GPATCH1: variants seen among roughly 807,000 people sequenced by gnomAD.
GPATCH1 encodes G-patch domain containing 1, also known as G patch domain-containing protein 1.
A neutral mutation model predicts 114.9 loss-of-function variants in GPATCH1; 73 were observed. The ratio of observed to expected loss-of-function variants is 0.64; its 90% confidence interval spans 0.53 to 0.77. The LOEUF (loss-of-function observed/expected upper bound fraction) is 0.77. Ranked by LOEUF, GPATCH1 falls within the 30% of genes least tolerant of loss-of-function variation. GPATCH1 has a pLI of 0.00. For missense variants in GPATCH1, 1,058 were observed against 1,144.3 expected (o/e 0.92, Z 1.09); for synonymous variants, 391 against 428.4 (o/e 0.91, Z 1.08).
intron 11 of GPATCH1, among the ~76,000 whole-genome samples, chr19:33,110,281 C>G (rs1316981854): frequency 1.3e-5 from 2 of 152,136 alleles, no homozygotes; most frequent in Non-Finnish European, 2.9e-5. Flanking sequence ...ACTTACAGGC[C>G]GTTTGGTGTT....
chr19:33,126,503 C>T, intron 18 of GPATCH1, 85 bp from the exon 19 acceptor site: 1 of 1,579,314 alleles, frequency 6.3e-7, no homozygotes, highest in East Asian at 2.2e-5. Context: ...GACTCCATCA[C>T]TGCAGCCTTG....
At chr19:33,091,771 A>T (rs540941655) in intron 3 of GPATCH1, among the ~76,000 whole-genome samples, 8 of 152,318 alleles carry the variant, frequency 5.3e-5, no homozygotes, top group Admixed American at 4.6e-4. Context: ...GAAAAAAAAG[A>T]TTAAATAAAA....
At chr19:33,082,652 TG>T (rs1226020160) in intron 1 of GPATCH1, among the ~76,000 whole-genome samples, 1 of 151,960 alleles carries the variant, frequency 6.6e-6, no homozygotes, top group East Asian at 1.9e-4. Context: ...GAGACCAGCC[TG>T]GGCATTGTAG....
intron 8 of GPATCH1, among the ~76,000 whole-genome samples, chr19:33,100,780 CTTT>C (rs746559066): frequency 1.5e-5 from 2 of 135,490 alleles, no homozygotes; most frequent in Non-Finnish European, 3.2e-5. Context: ...GTAGAAGGGG[CTTT>C]TTTTTTTTTT....
At position 33,112,085 on chromosome 19, in the gene GPATCH1, C is replaced by T. The variant is rs141339048; in HGVS notation, c.1764+183C>T. Among the ~76,000 whole-genome samples, 618 of 152,276 alleles carry T rather than the reference C, an allele frequency of 4.1e-3. 4 individuals are homozygous for T. The highest frequency in any genetic ancestry group is 0.014 in the African/African-American group (594 of 41,564). On this transcript the variant is annotated intron_variant, in intron 12 of 19. Coordinates refer to ENST00000170564, the MANE Select transcript of GPATCH1 (RefSeq NM_018025.3). ...GGTTCAAGCGATTCTCCTGCCTCAGCCTTCCAAGTAGCTGGGATTACAGGC... is the reference window on the plus strand; with the variant it reads ...GGTTCAAGCGATTCTCCTGCCTCAGTCTTCCAAGTAGCTGGGATTACAGGC...
chr19:33,126,519 C>T, intron 18 of GPATCH1, 69 bp from the exon 19 acceptor site: 1 of 1,593,066 alleles, frequency 6.3e-7, no homozygotes, highest in East Asian at 2.2e-5. Context: ...CCTTGTTAAC[C>T]TTTCATTGTA....
chr19:33,095,153 C>T (rs879312492), intron 5 of GPATCH1, among the ~76,000 whole-genome samples: 7 of 151,720 alleles, frequency 4.6e-5, no homozygotes, highest in Admixed American at 3.3e-4. Flanking sequence ...GGTGACAGGG[C>T]GAGACCCTGT....
At chr19:33,120,761 G>A (rs1568350378) in intron 17 of GPATCH1, among the ~76,000 whole-genome samples, 1 of 151,898 alleles carries the variant, frequency 6.6e-6, no homozygotes, top group Non-Finnish European at 1.5e-5. Flanking sequence ...AGGTCGAGGT[G>A]GGCAGATCAC....
rs138244522 is a variant in GPATCH1 at position 33,087,031 on chromosome 19, G to T, written c.74-1103G>T. 7.6e-3 allele frequency among the ~76,000 whole-genome samples: 1,148 copies of T among 151,904 alleles called. 16 individuals are homozygous for T. The highest frequency in any genetic ancestry group is 0.027 in the African/African-American group (1,115 of 41,446). ...CCTCTTCTTGTTAAGTACTTCATAG[G>T]CATTTAATTTGCATAACAACTCCAT... On this transcript the variant is annotated intron_variant, in intron 1 of 19. Transcript: ENST00000170564.
rs190673690 is a variant in GPATCH1, at chr19:33,096,143, T to A, written c.613-64T>A. 450 of 1,534,024 alleles carry A rather than the reference T, an allele frequency of 2.9e-4. No individual in the cohort carries two copies. The African/African-American group carries it at 5.6e-3, about 19-fold the overall frequency. ...CATTAATCACTGCGTTTTCAATTAG[T>A]ATTTTGTGGGTTTACTTTGCATCCT... On this transcript the variant is annotated intron_variant, in intron 6 of 19. Transcript: ENST00000170564.
At chr19:33,108,240 C>T (rs116662856) in intron 10 of GPATCH1, among the ~76,000 whole-genome samples, 1,704 of 152,250 alleles carry the variant, frequency 0.011, 37 homozygotes, top group African/African-American at 0.039. Flanking sequence ...CTGTTCCCCT[C>T]ACCAGCAGCT....
At position 33,117,897 on chromosome 19, in the gene GPATCH1, A is replaced by T; in HGVS notation, c.2269A>T (p.Ile757Phe). 1 of 1,613,982 alleles carries T rather than the reference A, an allele frequency of 6.2e-7. No individual in the cohort carries two copies. Residue 757 changes from isoleucine to phenylalanine, a missense_variant, in exon 16 of 20, where the codon ATC (isoleucine) becomes TTC (phenylalanine). Physicochemically the swap from Ile to Phe is conservative, Grantham distance 21. This residue lies in a region of GPATCH1 where 893 missense variants were observed against 977.4 expected (regional missense o/e 0.91). Transcript: ENST00000170564. ...SRPSMDLFRA[I>F]FASSSDEKSS... is the part of the protein sequence containing the mutation. ...CCCATCCATGGACTTATTCAGGGCC[A>T]TCTTTGCCAGTTCCTCAGATGAAAA...
In GPATCH1 at chr19:33,116,363, A is replaced by T. The variant is rs189285675; in HGVS notation, c.2197-1462A>T. Among the ~76,000 whole-genome samples, 12 of 152,098 alleles carry T rather than the reference A, an allele frequency of 7.9e-5. No homozygotes were observed. The East Asian group carries it at 9.6e-4, about 12-fold the overall frequency. ...ATCCTTGAAGTTCCACGTTCCCCTC[A>T]CCTATCATTTCTGTCTGAGGAACTT... On this transcript the variant is annotated intron_variant, in intron 15 of 19. Transcript: ENST00000170564.
intron 19 of GPATCH1, among the ~76,000 whole-genome samples, chr19:33,127,915 G>C (rs531250908): frequency 1.3e-5 from 2 of 151,420 alleles, no homozygotes; most frequent in African/African-American, 4.9e-5. Context: ...ACAGTGTTTC[G>C]TCATGTTGGC....
At chr19:33,114,205 C>T in intron 14 of GPATCH1, 48 bp from the exon 15 acceptor site, 2 of 1,500,472 alleles carry the variant, frequency 1.3e-6, no homozygotes, top group Non-Finnish European at 1.8e-6. Flanking sequence ...GAAGAACTGG[C>T]CTTTTCCTTG....
intron 5 of GPATCH1, among the ~76,000 whole-genome samples, chr19:33,094,935 T>G (rs1367857451): frequency 6.6e-6 from 1 of 151,874 alleles, no homozygotes; most frequent in East Asian, 1.9e-4. Flanking sequence ...GATGCTGAGG[T>G]GAGATTATCT....
intron 10 of GPATCH1, 123 bp from the exon 11 acceptor site, chr19:33,109,594 C>T: frequency 1.7e-6 from 1 of 598,524 alleles, no homozygotes; most frequent in South Asian, 2.5e-5. Flanking sequence ...AAATGAAACA[C>T]TAAACATAAA....
In GPATCH1 at chr19:33,109,999, T is replaced by C; in HGVS notation, c.1568T>C (p.Met523Thr). The change falls in exon 11 of 20, where the codon ATG becomes ACG. Residue 523 changes from methionine (M) to threonine (T), a missense_variant. Met to Thr is a moderately conservative substitution (Grantham distance 81). Coordinates refer to ENST00000170564, the MANE Select transcript of GPATCH1 (RefSeq NM_018025.3). ...QKRYDEFLVHMKQGQKDALER... is the reference protein window; with the variant it reads ...QKRYDEFLVHTKQGQKDALER... ...CGATACGACGAGTTCTTAGTACACA[T>C]GAAACAGGGTCAGAAAGGTGGGTGC... 1 of 1,608,868 alleles carries C rather than the reference T, an allele frequency of 6.2e-7. No individual in the cohort carries two copies.
At chr19:33,112,685 C>A in intron 13 of GPATCH1, 72 bp downstream of exon 13, 1 of 1,222,000 alleles carries the variant, frequency 8.2e-7, no homozygotes, top group Non-Finnish European at 1.2e-6. Flanking sequence ...CCCTTACATA[C>A]TCATATAAAT....
Sources: allele counts gnomAD v4.1 joint callset (sites outside exome capture counted in the v4.1 genomes callset), GRCh38; gene constraint gnomAD v4.1.1; regional missense constraint gnomAD v4.1.1; transcripts MANE v1.5; gene names NCBI Gene and HGNC (gene_info 2026-07-23, HGNC 2026-07-21).